Variants in GALNT17 observed in about 807,000 individuals in gnomAD.
GALNT17 encodes the protein polypeptide N-acetylgalactosaminyltransferase 17, also known as UDP-GalNAc:polypeptide N-acetylgalactosaminyltransferase-like 3.
GALNT17 carries 29 observed loss-of-function variants against 63.7 expected under a neutral mutation model. That is an observed-to-expected ratio of 0.46 (90% CI 0.34 to 0.62). The LOEUF (loss-of-function observed/expected upper bound fraction) is 0.62. GALNT17 is among the 20% of genes least tolerant of loss of function. The pLI, the probability that GALNT17 is intolerant of heterozygous loss-of-function variation, is 0.01. For missense variants in GALNT17, 603 were observed against 799.6 expected (o/e 0.75, Z 2.97); for synonymous variants, 305 against 318.3 (o/e 0.96, Z 0.45).
At chr7:71,578,029 AT>A (rs368906058) in intron 6 of GALNT17, among the ~76,000 whole-genome samples, 17,313 of 150,192 alleles carry the variant, frequency 0.12, 1,688 homozygotes, top group African/African-American at 0.27. Flanking sequence ...TTATTTATTT[AT>A]TTATTTATTT....
In GALNT17 at chr7:71,512,177, G is replaced by T. The variant is rs184300718; in HGVS notation, c.963-59108G>T. On this transcript the variant is annotated intron_variant, in intron 5 of 10. Transcript: ENST00000333538. ...GCCACCATGCCTCCTAGCTAATTTT[G>T]TATTTTTAGTAGAGACAGGGTTTCA... 2.2e-3 allele frequency among the ~76,000 whole-genome samples: 333 copies of T among 152,084 alleles called. 2 individuals carry two copies. Among genetic ancestry groups the T allele is most frequent in the African/African-American group, 7.3e-3 (301 of 41,502 alleles).
chr7:71,184,353 C>G (rs544077287), intron 1 of GALNT17, among the ~76,000 whole-genome samples: 47 of 151,192 alleles, frequency 3.1e-4, no homozygotes, highest in African/African-American at 1.1e-3. Flanking sequence ...TCCAACCACT[C>G]GATGATTTGA....
intron 6 of GALNT17, among the ~76,000 whole-genome samples, chr7:71,637,004 G>T (rs1247116723): frequency 6.6e-6 from 1 of 152,152 alleles, no homozygotes; most frequent in Non-Finnish European, 1.5e-5. Flanking sequence ...GGATGACTTA[G>T]AGCTATTTTT....
At chr7:71,339,034 GCT>G (rs1237871588) in intron 2 of GALNT17, among the ~76,000 whole-genome samples, 1 of 152,120 alleles carries the variant, frequency 6.6e-6, no homozygotes, top group Non-Finnish European at 1.5e-5. Context: ...ATTTCCTGAT[GCT>G]CTCTCATTAG....
At chr7:71,374,086 G>A (rs944114300) in intron 2 of GALNT17, among the ~76,000 whole-genome samples, 10 of 152,156 alleles carry the variant, frequency 6.6e-5, no homozygotes, top group African/African-American at 1.2e-4. Flanking sequence ...AAGGTAATGC[G>A]TTTTTGGTGT....
intron 9 of GALNT17, among the ~76,000 whole-genome samples, chr7:71,681,435 T>C (rs1019113989): frequency 6.6e-6 from 1 of 152,166 alleles, no homozygotes; most frequent in Non-Finnish European, 1.5e-5. Flanking sequence ...GAGTTGGATA[T>C]AGCAACTTGT....
At chr7:71,400,777 T>A (rs1793224952) in intron 3 of GALNT17, among the ~76,000 whole-genome samples, 1 of 152,212 alleles carries the variant, frequency 6.6e-6, no homozygotes, top group Non-Finnish European at 1.5e-5. Context: ...ACACTGAAGC[T>A]GAATCACATG....
At chr7:71,648,453 T>C (rs1790712136) in intron 6 of GALNT17, among the ~76,000 whole-genome samples, 1 of 152,088 alleles carries the variant, frequency 6.6e-6, no homozygotes, top group Non-Finnish European at 1.5e-5. Flanking sequence ...TTAAAAAGAT[T>C]TTTGTAGAGA....
chr7:71,337,243 ATC>A (rs1343322125), intron 2 of GALNT17, among the ~76,000 whole-genome samples: 1 of 152,024 alleles, frequency 6.6e-6, no homozygotes, highest in Non-Finnish European at 1.5e-5. Flanking sequence ...GTTATTGATG[ATC>A]TGTTTCCATT....
At chr7:71,169,209 AT>A (rs1466233218) in intron 1 of GALNT17, among the ~76,000 whole-genome samples, 2 of 151,946 alleles carry the variant, frequency 1.3e-5, no homozygotes, top group African/African-American at 2.4e-5. Flanking sequence ...AGTAATTACG[AT>A]TTTTGCACCC....
At chr7:71,425,226 AT>A (rs777436949) in intron 5 of GALNT17, among the ~76,000 whole-genome samples, 5,884 of 144,174 alleles carry the variant, frequency 0.041, 301 homozygotes, top group African/African-American at 0.12. Context: ...GGTCTTCAGA[AT>A]TTTTTTTTTT....
intron 1 of GALNT17, among the ~76,000 whole-genome samples, chr7:71,322,286 C>T (rs1218446728): frequency 2.6e-5 from 4 of 152,068 alleles, no homozygotes; most frequent in Non-Finnish European, 5.9e-5. Context: ...GTGGATAAAG[C>T]TATTCGGAGG....
chr7:71,256,295 G>A (rs1790288675), intron 1 of GALNT17, among the ~76,000 whole-genome samples: 1 of 152,232 alleles, frequency 6.6e-6, no homozygotes, highest in African/African-American at 2.4e-5. Context: ...TTATGGGCTA[G>A]GCGTGGTGGC....
intron 5 of GALNT17, among the ~76,000 whole-genome samples, chr7:71,514,907 T>G (rs140765230): frequency 6.6e-6 from 1 of 152,194 alleles, no homozygotes; most frequent in Non-Finnish European, 1.5e-5. Flanking sequence ...TGGTGGGAGA[T>G]AATTCAATCA....
chr7:71,211,149 C>T lies in GALNT17; in HGVS notation c.238+78109C>T, dbSNP rs566143399. ...TTGGTGATATGGTTTGGCTGTGTCC[C>T]CATCCAAATCTCAACTTGAATTGTA... On this transcript the variant is annotated intron_variant, in intron 1 of 10. Transcript: ENST00000333538. Among the ~76,000 whole-genome samples, 3 of 152,240 alleles carry T rather than the reference C, an allele frequency of 2.0e-5. No individual in the cohort carries two copies. The East Asian group carries it at 5.8e-4, about 29-fold the overall frequency.
chr7:71,237,828 C>T (rs1314115223), intron 1 of GALNT17, among the ~76,000 whole-genome samples: 1 of 151,968 alleles, frequency 6.6e-6, no homozygotes, highest in Non-Finnish European at 1.5e-5. Context: ...ACCCCACTGC[C>T]TCTTAATGCC....
intron 1 of GALNT17, among the ~76,000 whole-genome samples, chr7:71,217,218 G>T: frequency 7.1e-6 from 1 of 141,070 alleles, no homozygotes; most frequent in Non-Finnish European, 1.5e-5. Flanking sequence ...CCATATGATC[G>T]CCCACCTTGG....
At chr7:71,153,777 C>T (rs575473469) in intron 1 of GALNT17, among the ~76,000 whole-genome samples, 12 of 151,994 alleles carry the variant, frequency 7.9e-5, no homozygotes, top group Non-Finnish European at 1.0e-4. Context: ...ATTAGCCAGT[C>T]GTGGTGGCGG....
intron 5 of GALNT17, among the ~76,000 whole-genome samples, chr7:71,539,055 C>T (rs1218140395): frequency 1.3e-5 from 2 of 152,132 alleles, no homozygotes; most frequent in African/African-American, 2.4e-5. Flanking sequence ...TCCTGCCTCC[C>T]GAGTAGCTGG....
Sources: gnomAD v4.1 joint callset for allele counts (sites outside exome capture counted in the v4.1 genomes callset) on GRCh38, gnomAD v4.1.1 for gene constraint, MANE v1.5 for transcripts, NCBI Gene and HGNC (gene_info 2026-07-23, HGNC 2026-07-21) for gene names.